CLIC5: variants seen among roughly 807,000 people sequenced by gnomAD.
CLIC5 encodes the protein CLIC family member 5, also known as chloride intracellular channel protein 5.
A neutral mutation model predicts 24.7 loss-of-function variants in CLIC5; 20 were observed. That is an observed-to-expected ratio of 0.81 (90% CI 0.57 to 1.18). The LOEUF (loss-of-function observed/expected upper bound fraction) is 1.18. CLIC5 is among the 50% of genes most tolerant of loss of function. The pLI is 0.00. For synonymous variants in CLIC5, 159 were observed against 135.6 expected (o/e 1.17, Z -1.20); for missense variants, 341 against 326.1 (o/e 1.05, Z -0.35).
At position 45,974,285 on chromosome 6, in the gene CLIC5, C is replaced by CAA. The variant is rs747533526; in HGVS notation, c.64-19042_64-19041insTT. Among the ~76,000 whole-genome samples the CAA allele has an allele frequency of 1.5e-3, 235 of 151,818 alleles. 2 individuals are homozygous for CAA. The highest frequency in any genetic ancestry group is 9.6e-3 in the Admixed American group (146 of 15,238). ...TCTGACACCTTCTCTGCCTATCAGT[C>CAA]AGAGTGACAGCAAGAGTCAAATGAG... On this transcript the variant is annotated intron_variant, in intron 1 of 5. Coordinates refer to ENST00000339561, the MANE Select transcript of CLIC5 (RefSeq NM_016929.5).
At chr6:46,029,354 TATC>T (rs1163135278) in intron 1 of CLIC5, among the ~76,000 whole-genome samples, 1 of 152,230 alleles carries the variant, frequency 6.6e-6, no homozygotes, top group African/African-American at 2.4e-5. Flanking sequence ...ATTATTATCT[TATC>T]ATAACAGCAG....
At chr6:46,035,526 A>G (rs940569570) in intron 1 of CLIC5, among the ~76,000 whole-genome samples, 5 of 152,114 alleles carry the variant, frequency 3.3e-5, no homozygotes, top group African/African-American at 1.2e-4. Context: ...GCCTCTGGAT[A>G]TTGAATCTTG....
intron 1 of CLIC5, among the ~76,000 whole-genome samples, chr6:46,001,142 T>C (rs1437690744): frequency 6.6e-6 from 1 of 152,274 alleles, no homozygotes; most frequent in Non-Finnish European, 1.5e-5. Flanking sequence ...CTTATCATCC[T>C]TTAGGGTGAC....
At chr6:45,996,857 G>T (rs1337399813) in intron 1 of CLIC5, among the ~76,000 whole-genome samples, 1 of 151,798 alleles carries the variant, frequency 6.6e-6, no homozygotes, top group African/African-American at 2.4e-5. Context: ...GGAAACAACA[G>T]GTGCTGGAGA....
chr6:45,896,206 C>T (rs1440590542), downstream of CLIC5, among the ~76,000 whole-genome samples: 25 of 152,192 alleles, frequency 1.6e-4, no homozygotes, highest in Non-Finnish European at 2.9e-5. Context: ...AAAAAATTCA[C>T]ATAGACGAAT....
chr6:46,128,138 G>A, the CLIC5 span, among the ~76,000 whole-genome samples: 1 of 152,246 alleles, frequency 6.6e-6, no homozygotes, highest in East Asian at 1.9e-4. Flanking sequence ...GATAACAAAA[G>A]TTTAGGGCCA....
At chr6:46,097,476 G>T in the CLIC5 span, 1 of 152,226 alleles carries the variant, frequency 6.6e-6, no homozygotes, top group South Asian at 2.1e-4. Flanking sequence ...CTCAACCCCT[G>T]TGCAGGGAAA....
chr6:46,023,674 T>TA (rs375234717), intron 1 of CLIC5, among the ~76,000 whole-genome samples: 8 of 152,226 alleles, frequency 5.3e-5, no homozygotes, highest in African/African-American at 1.9e-4. Flanking sequence ...AAATGGAAGT[T>TA]ATGGGAGCCA....
At chr6:46,062,753 T>C (rs1762322371) in intron 1 of CLIC5, among the ~76,000 whole-genome samples, 1 of 152,212 alleles carries the variant, frequency 6.6e-6, no homozygotes, top group Non-Finnish European at 1.5e-5. Context: ...TCACAATTCA[T>C]GCACAAATAG....
chr6:46,056,510 C>T (rs762710699), intron 1 of CLIC5, among the ~76,000 whole-genome samples: 3 of 152,144 alleles, frequency 2.0e-5, no homozygotes, highest in Non-Finnish European at 4.4e-5. Flanking sequence ...GTGTGTTGAG[C>T]AGCTCGTCCC....
the CLIC5 span, chr6:46,102,533 G>A: frequency 6.6e-6 from 1 of 152,252 alleles, no homozygotes; most frequent in Non-Finnish European, 1.5e-5. Context: ...TGGTTTTTAT[G>A]ACTCACCTTG....
the CLIC5 span, chr6:46,097,367 CAAT>C: frequency 5.3e-5 from 8 of 152,208 alleles, no homozygotes; most frequent in Non-Finnish European, 1.0e-4. Flanking sequence ...AAAACAACAA[CAAT>C]GAGGAGATAC....
At chr6:45,974,540 G>T (rs867503000) in intron 1 of CLIC5, among the ~76,000 whole-genome samples, 178 of 139,308 alleles carry the variant, frequency 1.3e-3, no homozygotes, top group Middle Eastern at 3.7e-3. Flanking sequence ...GAGAGAGAGA[G>T]AGAGAGAGAG....
At chr6:45,882,788 A>G (rs1009349039) in intron 6 of CLIC5, among the ~76,000 whole-genome samples, 2 of 152,206 alleles carry the variant, frequency 1.3e-5, no homozygotes, top group Admixed American at 6.5e-5. Context: ...TTACTTTCCA[A>G]AATAATGTGG....
rs149566602 is a variant in CLIC5 at position 46,010,923 on chromosome 6, G to A, written c.63+4557C>T. On this transcript the variant is annotated intron_variant, in intron 1 of 5. Coordinates refer to ENST00000339561, the MANE Select transcript of CLIC5 (RefSeq NM_016929.5). ...CTAGTGAGCTCATGCTTAGGCAAGCGGCCCAAGGTGACCAGGCAGTCACAG... is the reference window on the plus strand; with the variant it reads ...CTAGTGAGCTCATGCTTAGGCAAGCAGCCCAAGGTGACCAGGCAGTCACAG... Among the ~76,000 whole-genome samples the A allele has an allele frequency of 3.8e-3, 576 of 152,220 alleles. 2 individuals are homozygous for A. Among genetic ancestry groups the A allele is most frequent in the African/African-American group, 0.011 (470 of 41,536 alleles).
chr6:46,018,136 C>T (rs1382890336), upstream of CLIC5, among the ~76,000 whole-genome samples: 2 of 152,234 alleles, frequency 1.3e-5, no homozygotes, highest in African/African-American at 4.8e-5. Context: ...AGACTCAGAA[C>T]ATCCCTGCAC....
upstream of CLIC5, chr6:46,015,922 GGGGACGCGGC>G: frequency 1.0e-6 from 1 of 1,003,240 alleles, no homozygotes; most frequent in Non-Finnish European, 1.2e-6. Flanking sequence ...TCAGCCGGGC[GGGGACGCGGC>G]GGGGACACCC....
the CLIC5 span, among the ~76,000 whole-genome samples, chr6:46,112,018 A>AAT: frequency 1.3e-5 from 2 of 152,170 alleles, no homozygotes; most frequent in Non-Finnish European, 2.9e-5. Flanking sequence ...TTTCTTTATA[A>AAT]ATTAACCAGT....
At chr6:46,097,130 T>C in the CLIC5 span, 1 of 152,204 alleles carries the variant, frequency 6.6e-6, no homozygotes, top group Non-Finnish European at 1.5e-5. Flanking sequence ...GTTAATGATA[T>C]GTTGCTGAAA....
Sources: gnomAD v4.1 joint callset for allele counts (sites outside exome capture counted in the v4.1 genomes callset) on GRCh38, gnomAD v4.1.1 for gene constraint, MANE v1.5 for transcripts, NCBI Gene and HGNC (gene_info 2026-07-23, HGNC 2026-07-21) for gene names.